Variants in LGMN observed in about 807,000 individuals in gnomAD.
LGMN encodes the protein asparaginyl endopeptidase.
LGMN carries 36 observed loss-of-function variants against 56.8 expected under a neutral mutation model. The observed-to-expected ratio is 0.63, with a 90% CI of 0.49 to 0.84. LGMN has a LOEUF of 0.84. LGMN is among the 40% of genes least tolerant of loss of function. LGMN has a pLI of 0.00. For missense variants in LGMN, 446 were observed against 556.1 expected (o/e 0.80, Z 1.99); for synonymous variants, 199 against 210.1 (o/e 0.95, Z 0.46).
chr14:92,719,263 ACCGCCGCCG>A lies in LGMN; in HGVS notation c.139-428_139-420del, dbSNP rs1187585709. On this transcript the variant is annotated intron_variant, in intron 2 of 13. Transcript: ENST00000334869. ...CACCACCGCCACCACCACCACCGCC[ACCGCCGCCG>A]CCGCCACCGCCGCCGCCGCCGCCGC... is the stretch of plus-strand genomic sequence containing the variant. Among the ~76,000 whole-genome samples, 122 of 65,148 alleles carry A rather than the reference ACCGCCGCCG, an allele frequency of 1.9e-3. 6 individuals carry two copies. The East Asian group carries it at 0.033, about 18-fold the overall frequency. The allele number at this position is 65,148 out of a possible 152,430, so 42.7% of individuals were successfully genotyped here.
At chr14:92,716,679 C>CT (rs1402531053) in intron 4 of LGMN, among the ~76,000 whole-genome samples, 7 of 152,092 alleles carry the variant, frequency 4.6e-5, no homozygotes, top group African/African-American at 1.7e-4. Flanking sequence ...ATACGGTCAT[C>CT]TTTTTTACCT....
intron 1 of LGMN, among the ~76,000 whole-genome samples, chr14:92,734,748 C>A (rs982595468): frequency 6.6e-6 from 1 of 152,088 alleles, no homozygotes; most frequent in Non-Finnish European, 1.5e-5. Context: ...GAAAACAGCA[C>A]CAAGCCTGTG....
chr14:92,743,525 G>C (rs1219162422), intron 1 of LGMN, among the ~76,000 whole-genome samples: 1 of 151,810 alleles, frequency 6.6e-6, no homozygotes, highest in Non-Finnish European at 1.5e-5. Context: ...ATCCAGGCCT[G>C]GTGTGGTGGC....
intron 2 of LGMN, among the ~76,000 whole-genome samples, chr14:92,720,640 C>T (rs145816716): frequency 0.017 from 2,613 of 152,294 alleles, 86 homozygotes; most frequent in African/African-American, 0.06. Flanking sequence ...GCACGCCAGC[C>T]TGGGCAACAA....
chr14:92,712,690 T>C (rs956249414), intron 8 of LGMN, 115 bp downstream of exon 8: 12 of 907,254 alleles, frequency 1.3e-5, no homozygotes, highest in Admixed American at 6.1e-5. Flanking sequence ...CCCACTTCTA[T>C]GGCCCAGGCT....
chr14:92,732,509 G>A (rs1891100451), intron 2 of LGMN, 140 bp downstream of exon 2: 7 of 887,846 alleles, frequency 7.9e-6, no homozygotes, highest in Non-Finnish European at 1.0e-5. Flanking sequence ...CCACATCCTC[G>A]CTAACACACC....
chr14:92,720,787 A>G (rs1890424911), intron 2 of LGMN, among the ~76,000 whole-genome samples: 1 of 152,258 alleles, frequency 6.6e-6, no homozygotes. Flanking sequence ...AAGGGTTATT[A>G]AGATAGCGGA....
chr14:92,743,727 GGAGGCA>G (rs1157367168), intron 1 of LGMN, among the ~76,000 whole-genome samples: 1 of 151,612 alleles, frequency 6.6e-6, no homozygotes, highest in Non-Finnish European at 1.5e-5. Context: ...CTTGAGTCCT[GGAGGCA>G]GAGGTTGCAG....
chr14:92,729,467 G>GCCTCCCC (rs1890921334), intron 2 of LGMN, among the ~76,000 whole-genome samples: 2 of 25,396 alleles, frequency 7.9e-5, no homozygotes, highest in African/African-American at 1.9e-4. Flanking sequence ...CTCAGATCAC[G>GCCTCCCC]CCCCCCCCCC....
intron 1 of LGMN, among the ~76,000 whole-genome samples, chr14:92,745,387 T>C (rs1891771951): frequency 6.6e-6 from 1 of 152,330 alleles, no homozygotes; most frequent in African/African-American, 2.4e-5. Context: ...GACATTAACC[T>C]ATAGAAATGT....
At chr14:92,734,509 A>G (rs1456687854) in intron 1 of LGMN, among the ~76,000 whole-genome samples, 1 of 152,144 alleles carries the variant, frequency 6.6e-6, no homozygotes, top group Admixed American at 6.5e-5. Flanking sequence ...GCGTGGTGGC[A>G]GGAGCCTGTA....
chr14:92,712,621 T>C, intron 8 of LGMN, 184 bp downstream of exon 8: 6 of 604,750 alleles, frequency 9.9e-6, no homozygotes, highest in Non-Finnish European at 1.2e-5. Flanking sequence ...AGATTCTTTA[T>C]TCCCTGACTA....
At chr14:92,706,722 G>A in intron 11 of LGMN, 69 bp from the exon 12 acceptor site, 1 of 1,389,750 alleles carries the variant, frequency 7.2e-7, no homozygotes, top group Non-Finnish European at 9.6e-7. Context: ...CAGGTGCGGT[G>A]AGAAGTGCAT....
At position 92,704,260 on chromosome 14, in the gene LGMN, T is replaced by C. The variant is rs1363987116; in HGVS notation, c.*59A>G. On this transcript the variant is annotated 3_prime_UTR_variant, in exon 14 of 14. Coordinates refer to ENST00000334869, the MANE Select transcript of LGMN (RefSeq NM_005606.7). ...CTTCTCACTCCACCTCTCCAGTCTC[T>C]GATCAGCACACAGTCGGTGGGGCGC... 3.1e-6 allele frequency: 5 copies of C among 1,612,808 alleles called. No homozygotes were observed. The highest frequency in any genetic ancestry group is 1.7e-5 in the Admixed American group (1 of 59,994).
Position 92,706,710 on chromosome 14 carries a change from C to G in LGMN, c.1021-57G>C, listed in dbSNP as rs1400479088. 1.5e-5 allele frequency: 22 copies of G among 1,451,632 alleles called. No homozygotes were observed. In the East Asian group the frequency reaches 3.1e-4, roughly 20 times the overall value. The allele number at this position is 1,451,632 out of a possible 1,614,324, so 89.9% of individuals were successfully genotyped here. ...CTCCCTGAATGCGGTCTCTCAGGGA[C>G]CCAGGTGCGGTGAGAAGTGCATTCA... On this transcript the variant is annotated intron_variant, in intron 11 of 13. Coordinates refer to ENST00000334869, the MANE Select transcript of LGMN (RefSeq NM_005606.7).
intron 1 of LGMN, among the ~76,000 whole-genome samples, chr14:92,745,469 C>T (rs1891775050): frequency 6.6e-6 from 1 of 152,186 alleles, no homozygotes; most frequent in African/African-American, 2.4e-5. Context: ...ACCCACTCAT[C>T]TTTTTTCCAC....
intron 2 of LGMN, among the ~76,000 whole-genome samples, chr14:92,728,538 C>T (rs1890858946): frequency 2.0e-5 from 3 of 152,146 alleles, no homozygotes; most frequent in African/African-American, 7.2e-5. Flanking sequence ...GACCACTTGT[C>T]GTGTATGCGG....
chr14:92,747,260 G>A (rs1356094725), intron 1 of LGMN, among the ~76,000 whole-genome samples: 1 of 152,074 alleles, frequency 6.6e-6, no homozygotes, highest in African/African-American at 2.4e-5. Context: ...TTGGGAGGCT[G>A]AGGCGGGCGG....
In LGMN at chr14:92,713,828, G is replaced by A. The variant is rs1316163364; in HGVS notation, c.538C>T (p.Arg180Ter). Residue 180 changes from arginine to a stop codon, truncating the protein, a stop_gained, in exon 7 of 14, where the codon CGA (arginine) becomes TGA (stop). Coordinates refer to ENST00000334869, the MANE Select transcript of LGMN (RefSeq NM_005606.7). LOFTEE classifies it high-confidence loss of function. ...IHYMYKHKMY[R>*]KMVFYIEACE... ...TGCCCCAAGGGCTGAATTACCTTTC[G>A]GTACATTTTGTGTTTGTACATGTAA... 5.6e-6 allele frequency: 9 copies of A among 1,611,396 alleles called. No individual in the cohort carries two copies. Among genetic ancestry groups the A allele is most frequent in the East Asian group, 2.2e-5 (1 of 44,880 alleles).
Sources: allele counts gnomAD v4.1 joint callset (sites outside exome capture counted in the v4.1 genomes callset), GRCh38; gene constraint gnomAD v4.1.1; transcripts MANE v1.5; gene names NCBI Gene and HGNC (gene_info 2026-07-23, HGNC 2026-07-21).